PXK: variants seen among roughly 807,000 people sequenced by gnomAD.
PXK encodes PX domain-containing protein kinase-like protein.
PXK carries 35 observed loss-of-function variants against 84.7 expected under a neutral mutation model. The observed-to-expected ratio is 0.41, with a 90% CI of 0.32 to 0.55. The LOEUF is 0.55. PXK is among the 20% of genes least tolerant of loss of function. PXK has a pLI of 0.21. For synonymous variants in PXK, 253 were observed against 260.8 expected (o/e 0.97, Z 0.29); for missense variants, 634 against 699.7 (o/e 0.91, Z 1.06).
intron 1 of PXK, among the ~76,000 whole-genome samples, chr3:58,347,041 A>C (rs1019556259): frequency 6.6e-6 from 1 of 152,094 alleles, no homozygotes; most frequent in Admixed American, 6.6e-5. Flanking sequence ...GGGTTTCACC[A>C]TGTTGGCCAG....
Position 58,398,112 on chromosome 3 carries a change from C to T in PXK, c.1102+390C>T, listed in dbSNP as rs2057991139. The stretch of plus-strand genomic sequence containing the variant: ...AGACTGAAGTGAGACTTGTAAGAAA[C>T]AAGAGAGGCCAGGCATGGTGGCTCA... On this transcript the variant is annotated intron_variant, in intron 11 of 17. Transcript: ENST00000356151. This position sits in a 1 kb window ranked among gnomAD's most constrained non-coding sequence, Gnocchi z 4.5. Among the ~76,000 whole-genome samples the T allele has an allele frequency of 2.0e-5, 3 of 152,266 alleles. No homozygotes were observed. In the South Asian group the frequency reaches 6.2e-4, roughly 31 times the overall value.
In PXK at chr3:58,421,595, G is replaced by A. The variant is rs1576882953; in HGVS notation, c.1529-3157G>A. 2 of 988,174 alleles carry A rather than the reference G, an allele frequency of 2.0e-6. No homozygotes were observed. The highest frequency in any genetic ancestry group is 4.7e-5 in the South Asian group (1 of 21,368). The allele number at this position is 988,174 out of a possible 1,614,324, so 61.2% of individuals were successfully genotyped here. A position where few individuals can be genotyped will look rare whatever the true frequency, so the allele number is the denominator to read the frequency against. On this transcript the variant is annotated intron_variant, in intron 17 of 17. Transcript: ENST00000356151. This position sits in a 1 kb window ranked among gnomAD's most constrained non-coding sequence, Gnocchi z 5.5. ...ACTCCATCTCAGAAAAAAAGGAACT[G>A]GAGGGAGGGACCCTCAGACATCCTG...
chr3:58,336,165 C>G (rs2097605170), intron 1 of PXK, among the ~76,000 whole-genome samples: 1 of 149,514 alleles, frequency 6.7e-6, no homozygotes, highest in Non-Finnish European at 1.5e-5. Flanking sequence ...CCCACCTCAG[C>G]CTCCCAAAGT....
intron 3 of PXK, among the ~76,000 whole-genome samples, chr3:58,377,773 G>A (rs560239199): frequency 1.3e-5 from 2 of 152,276 alleles, no homozygotes; most frequent in East Asian, 1.9e-4. Flanking sequence ...AACAGAACAG[G>A]AGAAGAAAAA....
chr3:58,398,482 A>AGGGC lies in PXK; in HGVS notation c.1102+761_1102+764dup, dbSNP rs898864479. Among the ~76,000 whole-genome samples the AGGGC allele has an allele frequency of 6.6e-6, 1 of 152,212 alleles. No individual in the cohort carries two copies. Among genetic ancestry groups the AGGGC allele is most frequent in the African/African-American group, 2.4e-5 (1 of 41,464 alleles). ...ATAAGAGCCTAGCAGGCCCAGACCT[A>AGGGC]GGGCAGGCAGGCAGGAATGCAGACA... On this transcript the variant is annotated intron_variant, in intron 11 of 17. Coordinates refer to ENST00000356151, the MANE Select transcript of PXK (RefSeq NM_017771.5). The surrounding 1 kb of genome is among the most constrained non-coding windows in gnomAD (Gnocchi z 4.5).
In PXK at chr3:58,379,504, C is replaced by A; in HGVS notation, c.202-3010C>A. The A allele has an allele frequency of 6.3e-6, 1 of 159,998 alleles. No individual in the cohort carries two copies. The allele number at this position is 159,998 out of a possible 1,614,324, so 9.9% of individuals were successfully genotyped here. On this transcript the variant is annotated intron_variant, in intron 3 of 17. Coordinates refer to ENST00000356151, the MANE Select transcript of PXK (RefSeq NM_017771.5). The surrounding 1 kb of genome is among the most constrained non-coding windows in gnomAD (Gnocchi z 5.1). ...GAAGTGTGGCCCTTAAATCCCAGTT[C>A]CTGTTCATACCTGACTCCCACCAAG...
chr3:58,379,779 T>C lies in PXK; in HGVS notation c.202-2735T>C, dbSNP rs1255998398. The stretch of plus-strand genomic sequence containing the variant: ...GGGCTAAAAGATAAAGGAAATACTC[T>C]TTAAAAAAAAGAAAAGCGAAATACA... On this transcript the variant is annotated intron_variant, in intron 3 of 17. Coordinates refer to ENST00000356151, the MANE Select transcript of PXK (RefSeq NM_017771.5). This position sits in a 1 kb window ranked among gnomAD's most constrained non-coding sequence, Gnocchi z 5.1. Among the ~76,000 whole-genome samples the C allele has an allele frequency of 6.6e-6, 1 of 152,042 alleles. No individual in the cohort carries two copies. Among genetic ancestry groups the C allele is most frequent in the Admixed American group, 6.6e-5 (1 of 15,254 alleles).
intron 17 of PXK, among the ~76,000 whole-genome samples, chr3:58,419,872 T>C (rs2107764925): frequency 6.6e-6 from 1 of 152,158 alleles, no homozygotes; most frequent in Middle Eastern, 3.4e-3. Context: ...AAGAAAAACA[T>C]TTGCCTTGCT....
At chr3:58,410,250 C>A in intron 16 of PXK, 91 bp downstream of exon 16, 1 of 915,310 alleles carries the variant, frequency 1.1e-6, no homozygotes, top group Non-Finnish European at 1.8e-6. Flanking sequence ...TTCTGCTGGC[C>A]AGAAACTGGG....
At chr3:58,361,082 A>C (rs1292831785) in intron 1 of PXK, among the ~76,000 whole-genome samples, 1 of 151,824 alleles carries the variant, frequency 6.6e-6, no homozygotes, top group Non-Finnish European at 1.5e-5. Flanking sequence ...GGATCACCTG[A>C]GGTCAGGAGT....
intron 3 of PXK, among the ~76,000 whole-genome samples, chr3:58,380,682 A>G (rs1035677071): frequency 6.6e-6 from 1 of 152,116 alleles, no homozygotes; most frequent in Non-Finnish European, 1.5e-5. Context: ...GCAGTGGCAC[A>G]TGCCTGTAAT....
chr3:58,381,042 A>C (rs922858466), intron 3 of PXK, among the ~76,000 whole-genome samples: 21 of 151,888 alleles, frequency 1.4e-4, no homozygotes, highest in Non-Finnish European at 2.9e-4. Context: ...AGGTCAGGAG[A>C]TCGAGACCAT....
At position 58,376,803 on chromosome 3, in the gene PXK, C is replaced by T. The variant is rs2098447043; in HGVS notation, c.202-5711C>T. 2.0e-5 allele frequency among the ~76,000 whole-genome samples: 3 copies of T among 151,924 alleles called. No homozygotes were observed. The South Asian group carries it at 6.2e-4, about 32-fold the overall frequency. On this transcript the variant is annotated intron_variant, in intron 3 of 17. Transcript: ENST00000356151. ...TACAGTCGTGTACCACCATGCCTGA[C>T]TAGTTTTTGTATTTTTAGTAGAGAT...
intron 1 of PXK, among the ~76,000 whole-genome samples, chr3:58,359,281 C>T (rs768424653): frequency 2.0e-5 from 3 of 152,068 alleles, no homozygotes; most frequent in South Asian, 2.1e-4. Flanking sequence ...CCTGGAATCC[C>T]AGCACTTTGG....
intron 9 of PXK, 60 bp downstream of exon 9, chr3:58,395,819 T>G: frequency 1.4e-6 from 2 of 1,395,930 alleles, no homozygotes; most frequent in Non-Finnish European, 1.0e-6. Context: ...ATTATTCACC[T>G]GGAAAAGTTC....
intron 13 of PXK, 65 bp from the exon 14 acceptor site, chr3:58,408,859 T>G: frequency 8.0e-7 from 1 of 1,253,486 alleles, no homozygotes; most frequent in Non-Finnish European, 1.2e-6. Flanking sequence ...CTTCATTTAC[T>G]CCAGGACTTG....
In PXK at chr3:58,395,659, C is replaced by T; in HGVS notation, c.722C>T (p.Ala241Val). The stretch of plus-strand genomic sequence containing the variant: ...CGTGTTCTTTGTTCTTTTCCAAAGG[C>T]AAAACCAAAAGACCCATTTCTAAAG... ...KGTLKDLIYK[A>V]KPKDPFLKKY... The change falls in exon 9 of 18, where the codon GCA becomes GTA. Residue 241 changes from alanine to valine, a missense_variant and splice_region_variant. Ala to Val is a moderately conservative substitution (Grantham distance 64, BLOSUM62 0). This residue lies in a region of PXK where 353 missense variants were observed against 385.2 expected (regional missense o/e 0.92). Transcript: ENST00000356151. 6.2e-7 allele frequency: 1 copy of T among 1,610,526 alleles called. No individual in the cohort carries two copies.
chr3:58,425,183 C>A lies in PXK; in HGVS notation c.*223C>A. On this transcript the variant is annotated 3_prime_UTR_variant, in exon 18 of 18. Coordinates refer to ENST00000356151, the MANE Select transcript of PXK (RefSeq NM_017771.5). ...CTTAAGATCTTGCTCCTTTATTAAC[C>A]CTGTAAAGGAGTCTTGTTTATCCTC... 1 of 604,900 alleles carries A rather than the reference C, an allele frequency of 1.7e-6. No individual in the cohort carries two copies. The highest frequency in any genetic ancestry group is 2.7e-6 in the Non-Finnish European group (1 of 364,996). The allele number at this position is 604,900 out of a possible 1,614,324, so 37.5% of individuals were successfully genotyped here. A position where few individuals can be genotyped will look rare whatever the true frequency, so the allele number is the denominator to read the frequency against.
At chr3:58,377,513 ACT>A (rs2098453363) in intron 3 of PXK, among the ~76,000 whole-genome samples, 1 of 152,002 alleles carries the variant, frequency 6.6e-6, no homozygotes, top group Non-Finnish European at 1.5e-5. Flanking sequence ...TAAAAAATAA[ACT>A]CACAGTCCCA....
Sources: allele counts gnomAD v4.1 joint callset (sites outside exome capture counted in the v4.1 genomes callset), GRCh38; gene constraint gnomAD v4.1.1; regional missense constraint gnomAD v4.1.1; non-coding constraint Gnocchi (gnomAD v3.1); transcripts MANE v1.5; gene names NCBI Gene and HGNC (gene_info 2026-07-23, HGNC 2026-07-21).